The following OMA1 variants were observed in gnomAD, a reference collection of about 807,000 sequenced individuals.
OMA1 encodes OMA1 zinc metallopeptidase.
In OMA1, 38 loss-of-function variants were observed where a neutral mutation model predicts 30.9. The ratio of observed to expected loss-of-function variants is 1.23; its 90% CI spans 0.95 to 1.61. The LOEUF (loss-of-function observed/expected upper bound fraction) is 1.61. Ranked by LOEUF, OMA1 falls within the 40% of genes most tolerant of loss-of-function variation. The pLI is 0.00. For synonymous variants in OMA1, 173 were observed against 121.9 expected, an observed-to-expected ratio of 1.42 and a Z score of -2.76; for missense variants, 461 against 349.2, an observed-to-expected ratio of 1.32 and a Z score of -2.55.
rs967466528 is a variant in OMA1, at chr1:58,536,385, GAAA to G, written c.729+125_729+127del. The G allele has an allele frequency of 6.7e-6, 4 of 597,572 alleles. No homozygotes were observed. The African/African-American group carries it at 7.6e-5, about 11-fold the overall frequency. 37.0% of individuals were successfully genotyped at this position (597,572 alleles called of 1,614,324 possible). ...AGTGTGAAAGGTCTGAGGCCTTCGGGAAAAAAAAATGCTAATTTCATATCAAAG... is the reference window on the plus strand; with the variant it reads ...AGTGTGAAAGGTCTGAGGCCTTCGGGAAAAAATGCTAATTTCATATCAAAG... On this transcript the variant is annotated intron_variant, in intron 3 of 8. Transcript: ENST00000371226.
In OMA1 at chr1:58,536,760, T is replaced by C. The variant is rs1382929508; in HGVS notation, c.501-19A>G. The C allele has an allele frequency of 2.3e-6, 2 of 864,086 alleles. No homozygotes were observed. Among genetic ancestry groups the C allele is most frequent in the African/African-American group, 3.3e-5 (2 of 60,540 alleles). 53.5% of individuals were successfully genotyped at this position (864,086 alleles called of 1,614,324 possible). On this transcript the variant is annotated intron_variant, in intron 2 of 8. Coordinates refer to ENST00000371226, the MANE Select transcript of OMA1 (RefSeq NM_145243.5). ...TATGCCCCTAAAGCAAAAAGAAAAATTCAAAGTTCTGAAAATCATTCCAGC... is the reference window on the plus strand; with the variant it reads ...TATGCCCCTAAAGCAAAAAGAAAAACTCAAAGTTCTGAAAATCATTCCAGC...
chr1:58,528,158 A>G (rs575861807), intron 6 of OMA1, among the ~76,000 whole-genome samples: 3 of 152,356 alleles, frequency 2.0e-5, no homozygotes, highest in South Asian at 2.1e-4. Flanking sequence ...TTTTAGGTCA[A>G]TGATGTATAT....
chr1:58,527,152 T>C (rs1646364776), intron 7 of OMA1, 109 bp downstream of exon 7: 2 of 722,570 alleles, frequency 2.8e-6, no homozygotes, highest in East Asian at 2.6e-5. Flanking sequence ...AAAGGGCTAA[T>C]ACAGTCCAAC....
At chr1:58,487,185 A>G (rs577048325) in intron 8 of OMA1, among the ~76,000 whole-genome samples, 28 of 152,226 alleles carry the variant, frequency 1.8e-4, no homozygotes, top group Non-Finnish European at 3.1e-4. Context: ...GCAGTGGCGA[A>G]GTTGAGAAGC....
intron 8 of OMA1, among the ~76,000 whole-genome samples, chr1:58,482,268 T>C (rs991401686): frequency 6.6e-6 from 1 of 152,112 alleles, no homozygotes; most frequent in African/African-American, 2.4e-5. Flanking sequence ...AAATTGAAGT[T>C]AGAATGTAGC....
In OMA1 at chr1:58,507,716, T is replaced by C. The variant is rs894266289; in HGVS notation, c.1216-1507A>G. Among the ~76,000 whole-genome samples the C allele has an allele frequency of 1.2e-4, 18 of 152,250 alleles. No individual in the cohort carries two copies. The East Asian group carries it at 1.3e-3, about 11-fold the overall frequency. Reference sequence around the variant, plus strand: ...TGTGCTTATGTGTAAAATATGTATGTAACATATGTATCTATAAAGAAATAA... The same window carrying C: ...TGTGCTTATGTGTAAAATATGTATGCAACATATGTATCTATAAAGAAATAA... On this transcript the variant is annotated intron_variant, in intron 7 of 8. Transcript: ENST00000371226.
rs1245972881 is a variant in OMA1, at chr1:58,530,635, A to C, written c.1106T>G (p.Leu369Arg). The C allele has an allele frequency of 1.1e-6, 1 of 872,696 alleles. No individual in the cohort carries two copies. Among genetic ancestry groups the C allele is most frequent in the African/African-American group, 1.6e-5 (1 of 61,332 alleles). The allele number at this position is 872,696 out of a possible 1,614,324, so 54.1% of individuals were successfully genotyped here. A position where few individuals can be genotyped will look rare whatever the true frequency, so the allele number is the denominator to read the frequency against. The change falls in exon 6 of 9, where the codon CTT (leucine) becomes CGT (arginine). Residue 369 changes from leucine to arginine, a missense_variant. Transcript: ENST00000371226. ...WAICPRDSLALLCQWIQSKLQ... is the reference protein window; with the variant it reads ...WAICPRDSLARLCQWIQSKLQ... ...TTTAGACTGTATCCACTGGCACAAA[A>C]GTGCCAAGCTATCTCGAGGACAAAT...
At chr1:58,513,853 A>C (rs1359129679) in intron 7 of OMA1, among the ~76,000 whole-genome samples, 1 of 152,222 alleles carries the variant, frequency 6.6e-6, no homozygotes, top group Non-Finnish European at 1.5e-5. Context: ...ACCAAGATCC[A>C]TGGTGACTAC....
chr1:58,527,447 C>A (rs1050688658), intron 6 of OMA1, 112 bp from the exon 7 acceptor site: 2 of 644,740 alleles, frequency 3.1e-6, no homozygotes, highest in Non-Finnish European at 5.6e-6. Context: ...GATAAAATTC[C>A]TATACTGTCT....
chr1:58,520,053 C>G (rs1440286500), intron 7 of OMA1, among the ~76,000 whole-genome samples: 1 of 152,022 alleles, frequency 6.6e-6, no homozygotes, highest in African/African-American at 2.4e-5. Context: ...ATTGACTACA[C>G]ATGGACACAA....
intron 6 of OMA1, among the ~76,000 whole-genome samples, chr1:58,528,274 T>G (rs1056940580): frequency 2.0e-5 from 3 of 152,184 alleles, no homozygotes; most frequent in Non-Finnish European, 1.5e-5. Flanking sequence ...GAAACTTAAG[T>G]TCAAGTCCAA....
chr1:58,493,719 A>T (rs1032836617), intron 8 of OMA1, among the ~76,000 whole-genome samples: 3 of 151,894 alleles, frequency 2.0e-5, no homozygotes, highest in African/African-American at 7.3e-5. Flanking sequence ...AGGGATGTGA[A>T]GGACCTCTTC....
At chr1:58,538,060 AG>A (rs1646545915) in intron 2 of OMA1, among the ~76,000 whole-genome samples, 1 of 152,206 alleles carries the variant, frequency 6.6e-6, no homozygotes, top group African/African-American at 2.4e-5. Context: ...TACAAATAGA[AG>A]TTCTTGGTTT....
At chr1:58,500,721 T>C (rs1001210220) in intron 8 of OMA1, among the ~76,000 whole-genome samples, 1 of 152,198 alleles carries the variant, frequency 6.6e-6, no homozygotes, top group Non-Finnish European at 1.5e-5. Context: ...TAAATATTTT[T>C]CCTATACATT....
chr1:58,490,285 C>T (rs958687845), intron 8 of OMA1, among the ~76,000 whole-genome samples: 10 of 152,110 alleles, frequency 6.6e-5, no homozygotes, highest in Non-Finnish European at 1.5e-4. Flanking sequence ...ACAAGAACTA[C>T]GTGACGAATG....
chr1:58,502,229 T>A lies in OMA1; in HGVS notation c.1365+3831A>T, dbSNP rs187786904. On this transcript the variant is annotated intron_variant, in intron 8 of 8. Transcript: ENST00000371226. Reference sequence around the variant, plus strand: ...AAAATCAAAATGATCAAAATTTGTGTTCTAATCACAGACCCACAGAATCCT... The same window carrying A: ...AAAATCAAAATGATCAAAATTTGTGATCTAATCACAGACCCACAGAATCCT... Among the ~76,000 whole-genome samples, 249 of 152,324 alleles carry A rather than the reference T, an allele frequency of 1.6e-3. 1 individual carries two copies. The highest frequency in any genetic ancestry group is 5.8e-3 in the African/African-American group (243 of 41,582).
chr1:58,534,160 GA>G lies in OMA1; in HGVS notation c.900del (p.Pro301GlnfsTer12). On this transcript the variant is annotated frameshift_variant, in exon 4 of 9. Coordinates refer to ENST00000371226, the MANE Select transcript of OMA1 (RefSeq NM_145243.5). LOFTEE classifies it high-confidence loss of function. ...VDSPIINAFV[L>X]PNGQMFVFTG... ...TGCGTTTGAGAACATTTACTTACTG[GA>G]AGCACGAAGGCATTAATAATTGGGG... 1.1e-6 allele frequency: 1 copy of G among 870,236 alleles called. No homozygotes were observed. The highest frequency in any genetic ancestry group is 2.0e-6 in the Non-Finnish European group (1 of 501,154). 53.9% of individuals were successfully genotyped at this position (870,236 alleles called of 1,614,324 possible).
At chr1:58,540,648 A>C (rs532099831) in intron 1 of OMA1, among the ~76,000 whole-genome samples, 1 of 150,768 alleles carries the variant, frequency 6.6e-6, no homozygotes, top group Admixed American at 6.6e-5. Context: ...AGAAATAAAG[A>C]TTTGTGACTT....
intron 1 of OMA1, among the ~76,000 whole-genome samples, chr1:58,539,836 C>T (rs1052710725): frequency 1.3e-5 from 2 of 152,044 alleles, no homozygotes; most frequent in Admixed American, 1.3e-4. Context: ...TAGGTGGAGC[C>T]CAGTGGTTCC....
Sources: allele counts gnomAD v4.1 joint callset (sites outside exome capture counted in the v4.1 genomes callset), GRCh38; gene constraint gnomAD v4.1.1; transcripts MANE v1.5; gene names NCBI Gene and HGNC (gene_info 2026-07-23, HGNC 2026-07-21).